CNTNAP3B: variants seen among roughly 807,000 people sequenced by gnomAD.
CNTNAP3B encodes the protein contactin-associated protein-like 3B.
In CNTNAP3B, 25 loss-of-function variants were observed where a neutral mutation model predicts 108.9. The ratio of observed to expected loss-of-function variants is 0.23; its 90% CI spans 0.17 to 0.32. The LOEUF is 0.32. CNTNAP3B is among the 10% of genes least tolerant of loss of function. CNTNAP3B has a pLI of 1.00. For synonymous variants in CNTNAP3B, 103 were observed against 473.4 expected (o/e 0.22, Z 10.16); for missense variants, 252 against 1,210.4 (o/e 0.21, Z 11.75).
At chr9:42,103,318 T>C (rs1828035456) in intron 2 of CNTNAP3B, among the ~76,000 whole-genome samples, 4 of 148,564 alleles carry the variant, frequency 2.7e-5, no homozygotes, top group Admixed American at 2.7e-4. Context: ...TTCATAGCCA[T>C]ACTGCCTATA....
At chr9:41,965,698 C>T (rs1172034559) in intron 10 of CNTNAP3B, among the ~76,000 whole-genome samples, 1 of 152,098 alleles carries the variant, frequency 6.6e-6, no homozygotes, top group Non-Finnish European at 1.5e-5. Flanking sequence ...CCAAGTGCCC[C>T]TCACCATGGG....
At chr9:41,913,724 C>T (rs1267305460) in intron 18 of CNTNAP3B, among the ~76,000 whole-genome samples, 2 of 133,760 alleles carry the variant, frequency 1.5e-5, no homozygotes, top group Non-Finnish European at 1.6e-5. Context: ...TTTGTCTCTA[C>T]AAATTTGTCT....
rs1203295334 is a variant in CNTNAP3B, at chr9:41,918,541, T to C, written c.2995+1529A>G. Among the ~76,000 whole-genome samples, 40 of 144,420 alleles carry C rather than the reference T, an allele frequency of 2.8e-4. 1 individual carries two copies. The highest frequency in any genetic ancestry group is 9.3e-4 in the African/African-American group (35 of 37,608). 94.7% of individuals were successfully genotyped at this position (144,420 alleles called of 152,430 possible). ...TCACTGTCTTGGAATACTACTCCAC[T>C]CTTTCCATTTCCATAAAATATAAAG... On this transcript the variant is annotated intron_variant, in intron 18 of 23. Coordinates refer to ENST00000377561, the MANE Select transcript of CNTNAP3B (RefSeq NM_001201380.3).
intron 13 of CNTNAP3B, among the ~76,000 whole-genome samples, chr9:41,939,327 C>T (rs1273383165): frequency 6.6e-6 from 1 of 152,308 alleles, no homozygotes; most frequent in African/African-American, 2.4e-5. Context: ...CATGCTTGAT[C>T]ATGTGGTGCT....
chr9:42,124,856 T>C (rs529753762), intron 1 of CNTNAP3B, among the ~76,000 whole-genome samples: 2 of 137,458 alleles, frequency 1.5e-5, no homozygotes, highest in East Asian at 4.4e-4. Context: ...GAACTGTTAT[T>C]TCTCATAATT....
chr9:41,955,435 G>A (rs1824825719), intron 12 of CNTNAP3B, among the ~76,000 whole-genome samples: 1 of 152,302 alleles, frequency 6.6e-6, no homozygotes, highest in South Asian at 2.1e-4. Flanking sequence ...AGACCATTGT[G>A]GTTTCCCTAA....
chr9:41,968,014 A>T lies in CNTNAP3B; in HGVS notation c.1649+2060T>A, dbSNP rs545048206. The stretch of plus-strand genomic sequence containing the variant: ...ATCTTAGAGACCAAGTTAGGCACCA[A>T]TGTAACTCTTGGGACTTTAAGGTTA... On this transcript the variant is annotated intron_variant, in intron 10 of 23. Coordinates refer to ENST00000377561, the MANE Select transcript of CNTNAP3B (RefSeq NM_001201380.3). Among the ~76,000 whole-genome samples, 37 of 152,370 alleles carry T rather than the reference A, an allele frequency of 2.4e-4. No homozygotes were observed. The East Asian group carries it at 6.4e-3, about 26-fold the overall frequency.
chr9:41,919,020 A>C (rs1823593542), intron 18 of CNTNAP3B, among the ~76,000 whole-genome samples: 1 of 150,758 alleles, frequency 6.6e-6, no homozygotes, highest in Non-Finnish European at 1.5e-5. Context: ...TTAAACACAC[A>C]ATTACATTTT....
intron 2 of CNTNAP3B, among the ~76,000 whole-genome samples, chr9:42,080,148 G>T (rs556564225): frequency 7.3e-6 from 1 of 136,134 alleles, no homozygotes; most frequent in South Asian, 2.5e-4. Context: ...CTGGGATGGT[G>T]TGTTTTCATT....
At chr9:42,109,407 A>G (rs1393336341) in intron 1 of CNTNAP3B, among the ~76,000 whole-genome samples, 1 of 147,226 alleles carries the variant, frequency 6.8e-6, no homozygotes, top group Admixed American at 6.7e-5. Context: ...ATTTTCAAAC[A>G]GCAATTCATT....
At chr9:41,965,005 G>A (rs1231777530) in intron 10 of CNTNAP3B, among the ~76,000 whole-genome samples, 2 of 152,256 alleles carry the variant, frequency 1.3e-5, no homozygotes, top group South Asian at 2.1e-4. Context: ...AAGAAAGAAG[G>A]GGAAACAGGG....
Position 41,996,322 on chromosome 9 carries a change from G to A in CNTNAP3B, c.954C>T (p.Pro318=), listed in dbSNP as rs765869070. Residue 318 remains proline, a synonymous_variant, in exon 7 of 24, where the codon CCC becomes CCT. Coordinates refer to ENST00000377561, the MANE Select transcript of CNTNAP3B (RefSeq NM_001201380.3). ...FEISFGGILS[P]GRSRAFTRKS... is the part of the protein sequence containing the mutation. ...TACGTGTGAATGCCCGTGATCTTCC[G>A]GGTGACAGAATTCCCCCAAAGCTGA... is the stretch of plus-strand genomic sequence containing the variant. The A allele has an allele frequency of 8.5e-5, 131 of 1,540,778 alleles. 19 individuals are homozygous for A. The highest frequency in any genetic ancestry group is 1.1e-4 in the Non-Finnish European group (124 of 1,137,928).
intron 13 of CNTNAP3B, among the ~76,000 whole-genome samples, chr9:41,945,797 GAAC>G (rs912112909): frequency 1.3e-5 from 2 of 152,226 alleles, no homozygotes; most frequent in South Asian, 2.1e-4. Flanking sequence ...CTGTCAGAGT[GAAC>G]AACAACAACA....
chr9:42,104,245 T>C (rs1828057995), intron 2 of CNTNAP3B, among the ~76,000 whole-genome samples: 1 of 105,910 alleles, frequency 9.4e-6, no homozygotes, highest in Admixed American at 1.0e-4. Flanking sequence ...GATAATTAAA[T>C]AATCTGGGAC....
At chr9:41,925,203 G>A (rs1251568104) in intron 15 of CNTNAP3B, among the ~76,000 whole-genome samples, 1 of 148,058 alleles carries the variant, frequency 6.8e-6, no homozygotes, top group Admixed American at 6.7e-5. Flanking sequence ...TATATTGATG[G>A]CTCCTGATTG....
intron 15 of CNTNAP3B, among the ~76,000 whole-genome samples, chr9:41,926,300 G>A (rs1823817461): frequency 6.6e-6 from 1 of 152,088 alleles, no homozygotes; most frequent in South Asian, 2.1e-4. Context: ...TATCCCTGCA[G>A]ATCCCCTAGT....
intron 15 of CNTNAP3B, among the ~76,000 whole-genome samples, chr9:41,927,319 A>G (rs1823848080): frequency 6.8e-6 from 1 of 146,588 alleles, no homozygotes; most frequent in Non-Finnish European, 1.5e-5. Flanking sequence ...ACAGACCTGT[A>G]GTGTAGACTT....
chr9:41,924,825 C>T (rs1240638478), intron 15 of CNTNAP3B, among the ~76,000 whole-genome samples: 5 of 152,402 alleles, frequency 3.3e-5, no homozygotes, highest in Non-Finnish European at 7.3e-5. Flanking sequence ...TATTCTGGTA[C>T]AGTGTGTGAG....
In CNTNAP3B at chr9:42,110,424, G is replaced by A. The variant is rs1238628470; in HGVS notation, c.86-5685C>T. On this transcript the variant is annotated intron_variant, in intron 1 of 23. Coordinates refer to ENST00000377561, the MANE Select transcript of CNTNAP3B (RefSeq NM_001201380.3). ...CACCGAACTGCTAATATGAGGGGAC[G>A]GCACCTTAACCAGCTTCGAATTATC... Among the ~76,000 whole-genome samples the A allele has an allele frequency of 8.1e-5, 11 of 135,952 alleles. 3 individuals carry two copies. The highest frequency in any genetic ancestry group is 2.1e-4 in the African/African-American group (7 of 33,660). 89.2% of individuals were successfully genotyped at this position (135,952 alleles called of 152,430 possible).
Sources: gnomAD v4.1 joint callset for allele counts (sites outside exome capture counted in the v4.1 genomes callset) on GRCh38, gnomAD v4.1.1 for gene constraint, MANE v1.5 for transcripts, NCBI Gene and HGNC (gene_info 2026-07-23, HGNC 2026-07-21) for gene names.